TBC1D19: variants seen among roughly 807,000 people sequenced by gnomAD.
The protein encoded by TBC1D19 is TBC1 domain family member 19.
In TBC1D19, 60 loss-of-function variants were observed where a neutral mutation model predicts 89.0. That is an observed-to-expected ratio of 0.67 (90% CI 0.55 to 0.84). The LOEUF (loss-of-function observed/expected upper bound fraction) is 0.84. Ranked by LOEUF, TBC1D19 falls within the 40% of genes least tolerant of loss-of-function variation. The pLI, the probability that TBC1D19 is intolerant of heterozygous loss-of-function variation, is 0.00. For synonymous variants in TBC1D19, 189 were observed against 199.7 expected (o/e 0.95, Z 0.45); for missense variants, 500 against 610.8 (o/e 0.82, Z 1.91).
intron 19 of TBC1D19, among the ~76,000 whole-genome samples, chr4:26,753,174 T>A (rs768146169): frequency 8.5e-5 from 13 of 152,214 alleles, no homozygotes; most frequent in Admixed American, 3.3e-4. Flanking sequence ...ATTATAAAAA[T>A]ATTTTTTAAG....
chr4:26,597,316 T>C (rs1032187120), intron 1 of TBC1D19, among the ~76,000 whole-genome samples: 3 of 152,216 alleles, frequency 2.0e-5, no homozygotes, highest in Non-Finnish European at 2.9e-5. Context: ...CGTTCTGAAG[T>C]ATCTCTCTTT....
At position 26,751,667 on chromosome 4, in the gene TBC1D19, A is replaced by G. The variant is rs139400497; in HGVS notation, c.1436-2153A>G. Among the ~76,000 whole-genome samples, 517 of 152,212 alleles carry G rather than the reference A, an allele frequency of 3.4e-3. 1 individual carries two copies. The highest frequency in any genetic ancestry group is 0.011 in the South Asian group (52 of 4,826). ...TACCATTCTCATCTTTTTCTCCAGA[A>G]TTTTTCTCTCTGACGAGTTCTAATG... On this transcript the variant is annotated intron_variant, in intron 19 of 20. Coordinates refer to ENST00000264866, the MANE Select transcript of TBC1D19 (RefSeq NM_018317.4).
At chr4:26,807,950 C>G in the TBC1D19 span, among the ~76,000 whole-genome samples, 240 of 152,132 alleles carry the variant, frequency 1.6e-3, no homozygotes, top group African/African-American at 5.4e-3. Flanking sequence ...AACTGAGGCA[C>G]GGGAGATGGA....
chr4:26,582,155 T>C (rs1739084128), upstream of TBC1D19, among the ~76,000 whole-genome samples: 1 of 152,134 alleles, frequency 6.6e-6, no homozygotes, highest in Admixed American at 6.5e-5. Context: ...CATTCCCTTG[T>C]CAATAGTACT....
Position 26,717,936 on chromosome 4 carries a change from T to TA in TBC1D19, c.958_959insA (p.Leu320TyrfsTer63). 6.2e-7 allele frequency: 1 copy of TA among 1,611,244 alleles called. No homozygotes were observed. The highest frequency in any genetic ancestry group is 8.5e-7 in the Non-Finnish European group (1 of 1,178,262). On this transcript the variant is annotated frameshift_variant, in exon 14 of 21. Transcript: ENST00000264866. LOFTEE classifies it high-confidence loss of function. Reference sequence around the variant, plus strand: ...TTTTTTCCAATGTTATATTCAGGTATTACTTTGTTTTTCCCGGGATACATC... The same window carrying TA: ...TTTTTTCCAATGTTATATTCAGGTATATACTTTGTTTTTCCCGGGATACATC...
chr4:26,599,950 C>CAA (rs36092049), intron 1 of TBC1D19, among the ~76,000 whole-genome samples: 74 of 72,728 alleles, frequency 1.0e-3, no homozygotes, highest in African/African-American at 1.5e-3. Context: ...TCTGTCTCTC[C>CAA]AAAAAAAAAA....
At chr4:26,806,423 C>T in the TBC1D19 span, among the ~76,000 whole-genome samples, 1 of 152,210 alleles carries the variant, frequency 6.6e-6, no homozygotes, top group South Asian at 2.1e-4. Flanking sequence ...CTGAATAGTG[C>T]CAGGCACTTA....
intron 13 of TBC1D19, among the ~76,000 whole-genome samples, chr4:26,715,208 T>C (rs1716509399): frequency 6.6e-6 from 1 of 152,036 alleles, no homozygotes; most frequent in Non-Finnish European, 1.5e-5. Context: ...GAACCCATGA[T>C]CTCACTCCCC....
intron 13 of TBC1D19, among the ~76,000 whole-genome samples, chr4:26,701,665 T>C (rs1476777929): frequency 3.3e-5 from 5 of 152,220 alleles, no homozygotes; most frequent in Non-Finnish European, 7.3e-5. Flanking sequence ...CTAGATTTCC[T>C]TAGATTTTAG....
chr4:26,747,008 C>G (rs1020971460), intron 18 of TBC1D19, among the ~76,000 whole-genome samples: 4 of 152,096 alleles, frequency 2.6e-5, no homozygotes, highest in Non-Finnish European at 4.4e-5. Context: ...CGAGCTTTCA[C>G]CAGGCTACTC....
chr4:26,698,937 C>T (rs1276057295), intron 13 of TBC1D19, among the ~76,000 whole-genome samples: 11 of 152,206 alleles, frequency 7.2e-5, no homozygotes, highest in Non-Finnish European at 1.5e-4. Flanking sequence ...CAATACCATT[C>T]AGGACATAGG....
At chr4:26,622,920 A>G (rs1452792689) in intron 4 of TBC1D19, among the ~76,000 whole-genome samples, 1 of 152,150 alleles carries the variant, frequency 6.6e-6, no homozygotes, top group Admixed American at 6.6e-5. Flanking sequence ...TATCGTCAGC[A>G]TCTAGCATAG....
At chr4:26,585,674 C>T (rs534691798) in intron 1 of TBC1D19, among the ~76,000 whole-genome samples, 1 of 150,428 alleles carries the variant, frequency 6.6e-6, no homozygotes, top group Admixed American at 6.6e-5. Flanking sequence ...ACCTCTGCCT[C>T]CCAGGTTCAA....
At chr4:26,583,964 C>T (rs1256955539), upstream of TBC1D19, 12 of 557,742 alleles carry the variant, frequency 2.2e-5, no homozygotes, top group Admixed American at 3.2e-5. Flanking sequence ...GCGTCCTCCC[C>T]GCCCCGGTCT....
At chr4:26,761,880 A>G in the TBC1D19 span, among the ~76,000 whole-genome samples, 302 of 152,272 alleles carry the variant, frequency 2.0e-3, 2 homozygotes, top group Non-Finnish European at 3.2e-3. Context: ...TAATCTCAGC[A>G]CTTTGGGAGG....
intron 7 of TBC1D19, among the ~76,000 whole-genome samples, chr4:26,657,118 G>A (rs1281045407): frequency 1.3e-5 from 2 of 148,156 alleles, no homozygotes; most frequent in Non-Finnish European, 3.0e-5. Context: ...TAAGTTCTGG[G>A]GTACATGTGC....
chr4:26,692,783 G>A, intron 13 of TBC1D19, among the ~76,000 whole-genome samples: 1 of 152,248 alleles, frequency 6.6e-6, no homozygotes, highest in East Asian at 1.9e-4. Context: ...TCAAAGACTG[G>A]CCACAAAAAT....
At chr4:26,849,086 G>A in the TBC1D19 span, among the ~76,000 whole-genome samples, 1 of 152,066 alleles carries the variant, frequency 6.6e-6, no homozygotes, top group African/African-American at 2.4e-5. Context: ...GGAGGTGGGA[G>A]GATTACTTGA....
chr4:26,785,967 G>A, the TBC1D19 span, among the ~76,000 whole-genome samples: 1 of 152,282 alleles, frequency 6.6e-6, no homozygotes, highest in South Asian at 2.1e-4. Context: ...TGGTTTCTTA[G>A]GAAACTGAAC....
Sources: gnomAD v4.1 joint callset for allele counts (sites outside exome capture counted in the v4.1 genomes callset) on GRCh38, gnomAD v4.1.1 for gene constraint, MANE v1.5 for transcripts, NCBI Gene and HGNC (gene_info 2026-07-23, HGNC 2026-07-21) for gene names.